Variants in LRFN5 observed in about 807,000 individuals in gnomAD.
LRFN5 encodes the protein leucine-rich repeat and fibronectin type-III domain-containing protein 5.
A neutral mutation model predicts 45.6 loss-of-function variants in LRFN5; 24 were observed. The ratio of observed to expected loss-of-function variants is 0.53; its 90% CI spans 0.38 to 0.74. The LOEUF (loss-of-function observed/expected upper bound fraction) is 0.74. Ranked by LOEUF, LRFN5 falls within the 30% of genes least tolerant of loss-of-function variation. The pLI, the probability that LRFN5 is intolerant of heterozygous loss-of-function variation, is 0.00. For missense variants in LRFN5, 776 were observed against 861.5 expected, an observed-to-expected ratio of 0.90 and a Z score of 1.24; for synonymous variants, 340 against 313.8, an observed-to-expected ratio of 1.08 and a Z score of -0.88.
intron 2 of LRFN5, among the ~76,000 whole-genome samples, chr14:41,783,575 G>A (rs1352099674): frequency 6.6e-6 from 1 of 151,964 alleles, no homozygotes; most frequent in Non-Finnish European, 1.5e-5. Flanking sequence ...TTTCAATTTT[G>A]ACTAATACGG....
chr14:41,892,661 C>T (rs561412788), intron 4 of LRFN5: 2 of 984,334 alleles, frequency 2.0e-6, no homozygotes, highest in Admixed American at 1.2e-4. Context: ...AATTAGTATA[C>T]CGAGTTAATG....
rs914212982 is a variant in LRFN5 at position 41,671,617 on chromosome 14, G to GTTTTTTTTTTTTTTTTTT, written c.-197+63058_-197+63075dup. Among the ~76,000 whole-genome samples, 13 of 78,026 alleles carry GTTTTTTTTTTTTTTTTTT rather than the reference G, an allele frequency of 1.7e-4. 3 individuals are homozygous for GTTTTTTTTTTTTTTTTTT. Among genetic ancestry groups the GTTTTTTTTTTTTTTTTTT allele is most frequent in the East Asian group, 4.4e-4 (1 of 2,292 alleles). 51.2% of individuals were successfully genotyped at this position (78,026 alleles called of 152,430 possible). The stretch of plus-strand genomic sequence containing the variant: ...TGTGGAGGAGAGATTTTTTTTTTTC[G>GTTTTTTTTTTTTTTTTTT]TTTTTTTTTTTTTTTTTTTTACGGA... On this transcript the variant is annotated intron_variant, in intron 1 of 5. Transcript: ENST00000298119.
intron 5 of LRFN5, among the ~76,000 whole-genome samples, chr14:41,900,797 CCAAA>C (rs751257104): frequency 6.6e-5 from 10 of 152,062 alleles, no homozygotes; most frequent in African/African-American, 7.2e-5. Flanking sequence ...TGTGAGAAGA[CCAAA>C]CAGTGATGCC....
chr14:41,608,443 C>G lies in LRFN5; in HGVS notation c.-316C>G, dbSNP rs1008801898. The G allele has an allele frequency of 6.5e-6, 1 of 152,672 alleles. No individual in the cohort carries two copies. The highest frequency in any genetic ancestry group is 2.4e-5 in the African/African-American group (1 of 41,456). The allele number at this position is 152,672 out of a possible 1,614,324, so 9.5% of individuals were successfully genotyped here. The stretch of plus-strand genomic sequence containing the variant: ...GCGGGTGCTGAGCTATGGCAAAGGG[C>G]AGCGAAGTGACGAGCGAGACCCGCG... On this transcript the variant is annotated 5_prime_UTR_variant, in exon 1 of 6. Transcript: ENST00000298119.
chr14:41,714,959 G>T (rs987728611), intron 1 of LRFN5, among the ~76,000 whole-genome samples: 1 of 152,042 alleles, frequency 6.6e-6, no homozygotes, highest in African/African-American at 2.4e-5. Context: ...TTCATTTCAA[G>T]AGTTCTGGGC....
At chr14:41,661,793 C>A (rs1326983485) in intron 1 of LRFN5, among the ~76,000 whole-genome samples, 1 of 151,928 alleles carries the variant, frequency 6.6e-6, no homozygotes, top group Non-Finnish European at 1.5e-5. Flanking sequence ...TTGCCCTAGG[C>A]ACCTTTGAGA....
chr14:41,881,847 A>G lies in LRFN5; in HGVS notation c.-20-4759A>G, dbSNP rs556764780. On this transcript the variant is annotated intron_variant, in intron 2 of 5. Transcript: ENST00000298119. ...AAAATTGTTTTTCACATCTCTGCTA[A>G]AATTACCCATCAAATCATGCATGAT... 2.6e-5 allele frequency among the ~76,000 whole-genome samples: 4 copies of G among 152,330 alleles called. No individual in the cohort carries two copies. In the South Asian group the frequency reaches 8.3e-4, roughly 32 times the overall value.
chr14:41,609,018 C>T (rs944387874), intron 1 of LRFN5, among the ~76,000 whole-genome samples: 9 of 152,118 alleles, frequency 5.9e-5, no homozygotes, highest in Middle Eastern at 3.2e-3. Flanking sequence ...GTTTTCCTTT[C>T]CTTGTTGTGG....
intron 2 of LRFN5, among the ~76,000 whole-genome samples, chr14:41,866,925 A>G (rs1889860373): frequency 6.6e-6 from 1 of 152,168 alleles, no homozygotes; most frequent in Non-Finnish European, 1.5e-5. Context: ...TTAGCTACAT[A>G]ATATTGGATC....
intron 1 of LRFN5, among the ~76,000 whole-genome samples, chr14:41,705,476 A>G (rs562733370): frequency 1.4e-3 from 208 of 152,334 alleles, no homozygotes; most frequent in Non-Finnish European, 2.5e-3. Context: ...GTGAAATGCC[A>G]TTAATATTTT....
At chr14:41,858,817 C>G (rs574399739) in intron 2 of LRFN5, among the ~76,000 whole-genome samples, 2 of 152,228 alleles carry the variant, frequency 1.3e-5, no homozygotes, top group South Asian at 4.1e-4. Context: ...ATTCCTCAGT[C>G]ACAATCTTAT....
At chr14:41,801,977 A>G (rs1887351361) in intron 2 of LRFN5, among the ~76,000 whole-genome samples, 1 of 152,158 alleles carries the variant, frequency 6.6e-6, no homozygotes. Flanking sequence ...AAATTCCCAG[A>G]ATCTGGAAAT....
chr14:41,815,233 A>G (rs1887875925), intron 2 of LRFN5, among the ~76,000 whole-genome samples: 1 of 152,150 alleles, frequency 6.6e-6, no homozygotes, highest in Non-Finnish European at 1.5e-5. Flanking sequence ...TTTCAGGTAC[A>G]TGCATGTTAA....
At chr14:41,765,290 C>G (rs575807079) in intron 1 of LRFN5, among the ~76,000 whole-genome samples, 1 of 149,208 alleles carries the variant, frequency 6.7e-6, no homozygotes, top group Non-Finnish European at 1.5e-5. Flanking sequence ...TGCAGTGAGC[C>G]GAGATCGCGC....
At chr14:41,765,900 A>G (rs1275424775) in intron 1 of LRFN5, among the ~76,000 whole-genome samples, 4 of 152,140 alleles carry the variant, frequency 2.6e-5, no homozygotes, top group African/African-American at 9.6e-5. Context: ...ATTATTGAGT[A>G]TCTTAAGACA....
At chr14:41,828,584 G>T (rs563328120) in intron 2 of LRFN5, among the ~76,000 whole-genome samples, 1 of 151,916 alleles carries the variant, frequency 6.6e-6, no homozygotes, top group Admixed American at 6.6e-5. Flanking sequence ...TATTCCTCAA[G>T]TCAGAAATCT....
intron 1 of LRFN5, among the ~76,000 whole-genome samples, chr14:41,747,841 A>C (rs911961170): frequency 6.6e-6 from 1 of 152,026 alleles, no homozygotes; most frequent in South Asian, 2.1e-4. Flanking sequence ...TCAAAAATAG[A>C]TGAAGGCCTT....
At chr14:41,866,841 A>G (rs1889856074) in intron 2 of LRFN5, among the ~76,000 whole-genome samples, 1 of 152,158 alleles carries the variant, frequency 6.6e-6, no homozygotes, top group Non-Finnish European at 1.5e-5. Context: ...AAACAATAAC[A>G]TAGACACATA....
At chr14:41,862,287 A>G (rs1889691899) in intron 2 of LRFN5, among the ~76,000 whole-genome samples, 1 of 152,210 alleles carries the variant, frequency 6.6e-6, no homozygotes, top group Non-Finnish European at 1.5e-5. Flanking sequence ...CTTGAGTTCT[A>G]CATTATTAAT....
Sources: allele counts gnomAD v4.1 joint callset (sites outside exome capture counted in the v4.1 genomes callset), GRCh38; gene constraint gnomAD v4.1.1; transcripts MANE v1.5; gene names NCBI Gene and HGNC (gene_info 2026-07-23, HGNC 2026-07-21).